Variants in CREB5 observed in about 807,000 individuals in gnomAD.
CREB5 encodes the protein cyclic AMP-responsive element-binding protein 5.
CREB5 carries 19 observed loss-of-function variants against 57.1 expected under a neutral mutation model. The observed-to-expected ratio is 0.33, with a 90% CI of 0.23 to 0.49. CREB5 has a LOEUF of 0.49. Among genes scored for constraint, CREB5 ranks in the 20% least tolerant of loss-of-function variants. The pLI is 0.99. For missense variants in CREB5, 579 were observed against 671.6 expected, an observed-to-expected ratio of 0.86 and a Z score of 1.52; for synonymous variants, 238 against 238.3, an observed-to-expected ratio of 1.00 and a Z score of 0.01.
chr7:28,319,105 A>G (rs1583668424), intron 1 of CREB5, among the ~76,000 whole-genome samples: 1 of 152,132 alleles, frequency 6.6e-6, no homozygotes, highest in African/African-American at 2.4e-5. Context: ...CCTAGAATGT[A>G]CCTTGAGACC....
In CREB5 at chr7:28,488,191, A is replaced by T. The variant is rs562749374; in HGVS notation, c.20A>T (p.Lys7Met). MIYEES[K>M]MNLEQERPFV... ...ATCCTTCAGATTTATGAGGAATCCA[A>T]GATGAATTTGGAGCAGGAGAGGCCG... The change falls in exon 2 of 11, where the codon AAG (lysine) becomes ATG (methionine). Residue 7 changes from lysine to methionine, a missense_variant. Transcript: ENST00000357727. The T allele has an allele frequency of 1.2e-6, 2 of 1,613,800 alleles. No individual in the cohort carries two copies. The highest frequency in any genetic ancestry group is 1.7e-5 in the Admixed American group (1 of 59,988).
intron 1 of CREB5, among the ~76,000 whole-genome samples, chr7:28,439,405 G>T (rs913712871): frequency 1.3e-5 from 2 of 152,134 alleles, no homozygotes; most frequent in Non-Finnish European, 2.9e-5. Context: ...CTCTGCCTTT[G>T]CACATGCCAT....
At chr7:28,687,766 T>C (rs563709902) in intron 5 of CREB5, among the ~76,000 whole-genome samples, 1 of 152,168 alleles carries the variant, frequency 6.6e-6, no homozygotes, top group African/African-American at 2.4e-5. Flanking sequence ...CCTCCTTTTT[T>C]GGGCAGAGGT....
intron 7 of CREB5, among the ~76,000 whole-genome samples, chr7:28,734,397 G>A (rs778016960): frequency 3.9e-5 from 6 of 151,964 alleles, no homozygotes; most frequent in Non-Finnish European, 5.9e-5. Context: ...TCAAAATTGG[G>A]TTCACACTAA....
chr7:28,307,309 C>T (rs1277064394), intron 1 of CREB5, among the ~76,000 whole-genome samples: 2 of 152,172 alleles, frequency 1.3e-5, no homozygotes, highest in African/African-American at 2.4e-5. Context: ...GCTCTAGCCT[C>T]ATGAATGGAT....
chr7:28,579,469 G>A (rs957284130), intron 5 of CREB5, among the ~76,000 whole-genome samples: 1 of 152,030 alleles, frequency 6.6e-6, no homozygotes, highest in Non-Finnish European at 1.5e-5. Flanking sequence ...TTGGCAAAGT[G>A]CATTTTGGCT....
intron 1 of CREB5, among the ~76,000 whole-genome samples, chr7:28,369,583 A>G (rs1312985450): frequency 6.6e-6 from 1 of 152,382 alleles, no homozygotes; most frequent in East Asian, 1.9e-4. Flanking sequence ...CATAGTAGGC[A>G]TTCAACTAAC....
At chr7:28,679,800 T>G (rs1465044210) in intron 5 of CREB5, among the ~76,000 whole-genome samples, 6 of 152,182 alleles carry the variant, frequency 3.9e-5, no homozygotes, top group Non-Finnish European at 7.3e-5. Flanking sequence ...AAACAGCGAA[T>G]GGTCGCATTC....
intron 5 of CREB5, among the ~76,000 whole-genome samples, chr7:28,630,046 C>G (rs1284213262): frequency 2.0e-5 from 3 of 152,210 alleles, no homozygotes; most frequent in African/African-American, 7.2e-5. Context: ...CACCTTCTGC[C>G]CCAGCCATTC....
chr7:28,379,818 C>G (rs989936301), intron 1 of CREB5, among the ~76,000 whole-genome samples: 1 of 152,202 alleles, frequency 6.6e-6, no homozygotes, highest in Non-Finnish European at 1.5e-5. Flanking sequence ...TGGAATCTGT[C>G]AGAAATACAA....
intron 1 of CREB5, among the ~76,000 whole-genome samples, chr7:28,306,244 A>G (rs1785178778): frequency 6.6e-6 from 1 of 152,148 alleles, no homozygotes; most frequent in African/African-American, 2.4e-5. Flanking sequence ...GTTTACGGAG[A>G]GCTCTTTATG....
chr7:28,699,815 C>G (rs1256744022), intron 5 of CREB5, among the ~76,000 whole-genome samples: 1 of 152,004 alleles, frequency 6.6e-6, no homozygotes, highest in Non-Finnish European at 1.5e-5. Flanking sequence ...CTGAAAAATA[C>G]CGAGTCCCCT....
intron 5 of CREB5, among the ~76,000 whole-genome samples, chr7:28,672,213 A>ACACG (rs1800088061): frequency 6.6e-6 from 1 of 151,924 alleles, no homozygotes; most frequent in African/African-American, 2.4e-5. Context: ...ACACACACAC[A>ACACG]CAAACACTGG....
intron 4 of CREB5, among the ~76,000 whole-genome samples, chr7:28,537,845 C>A (rs71539571): frequency 0.26 from 39,410 of 151,946 alleles, 5,685 homozygotes; most frequent in East Asian, 0.56. Context: ...ATTTGAATAC[C>A]GTTTGGGTTT....
At chr7:28,457,236 C>G (rs1311239620) in intron 1 of CREB5, among the ~76,000 whole-genome samples, 1 of 152,186 alleles carries the variant, frequency 6.6e-6, no homozygotes, top group South Asian at 2.1e-4. Flanking sequence ...AATACTGCCA[C>G]AATGGCATAT....
chr7:28,459,237 C>G (rs553695601), intron 1 of CREB5, among the ~76,000 whole-genome samples: 2 of 152,260 alleles, frequency 1.3e-5, no homozygotes, highest in South Asian at 4.2e-4. Flanking sequence ...ATTCAGCCAT[C>G]TTTGCACACC....
intron 5 of CREB5, among the ~76,000 whole-genome samples, chr7:28,603,574 C>T (rs1797004067): frequency 6.6e-6 from 1 of 152,172 alleles, no homozygotes; most frequent in African/African-American, 2.4e-5. Context: ...ACATCCCAAC[C>T]AGGTGGAAGT....
intron 5 of CREB5, among the ~76,000 whole-genome samples, chr7:28,717,083 A>ATT (rs1583603548): frequency 1.3e-5 from 1 of 79,898 alleles, no homozygotes; most frequent in Admixed American, 1.4e-4. Context: ...AAGGCTTTAT[A>ATT]TTCTTTTTTT....
chr7:28,718,155 G>A (rs1347240958), intron 5 of CREB5, among the ~76,000 whole-genome samples: 8 of 152,228 alleles, frequency 5.3e-5, no homozygotes, highest in South Asian at 2.1e-4. Context: ...GCTAGGCTCC[G>A]GACTTGCTCT....
Sources: gnomAD v4.1 joint callset for allele counts (sites outside exome capture counted in the v4.1 genomes callset) on GRCh38, gnomAD v4.1.1 for gene constraint, MANE v1.5 for transcripts, NCBI Gene and HGNC (gene_info 2026-07-23, HGNC 2026-07-21) for gene names.